RP1: variants seen among roughly 807,000 people sequenced by gnomAD.
The protein encoded by RP1 is RP1 axonemal microtubule associated, also known as oxygen-regulated protein 1.
Under a neutral mutation model 14.8 loss-of-function variants are expected in RP1, and 16 were observed. That is an observed-to-expected ratio of 1.08 (90% CI 0.73 to 1.65). RP1 has a LOEUF of 1.65. Ranked by LOEUF, RP1 falls within the 40% of genes most tolerant of loss-of-function variation. RP1 has a pLI of 0.00. For missense variants in RP1, 2,631 were observed against 2,535.0 expected (o/e 1.04, Z -0.81); for synonymous variants, 876 against 883.6 (o/e 0.99, Z 0.15).
chr8:54,696,138 A>C (rs1477012178), intron 12 of RP1, among the ~76,000 whole-genome samples: 2 of 152,180 alleles, frequency 1.3e-5, no homozygotes, highest in Non-Finnish European at 2.9e-5. Flanking sequence ...ATAGAATTAT[A>C]AAGGTAGAAT....
rs762412836 is a variant in RP1, at chr8:54,627,467, A to G, written c.3585A>G (p.Gly1195=). The change falls in exon 4 of 4, where the codon GGA becomes GGG. Residue 1195 remains glycine (G), a synonymous_variant. Transcript: ENST00000220676. ...NLVESTTSHF[G]LSEKEQDMVP... ...TGGAGTCAACTACAAGCCACTTTGGACTCAGTGAGAAAGAACAAGACATGG... is the reference window on the plus strand; with the variant it reads ...TGGAGTCAACTACAAGCCACTTTGGGCTCAGTGAGAAAGAACAAGACATGG... The G allele has an allele frequency of 6.2e-7, 1 of 1,614,120 alleles. No individual in the cohort carries two copies. Among genetic ancestry groups the G allele is most frequent in the South Asian group, 1.1e-5 (1 of 91,080 alleles).
downstream of RP1, among the ~76,000 whole-genome samples, chr8:54,773,571 A>G (rs1272253269): frequency 1.3e-5 from 2 of 152,164 alleles, no homozygotes; most frequent in Non-Finnish European, 2.9e-5. Flanking sequence ...CAGGTGGCGG[A>G]GGTTGCAGTG....
At chr8:54,785,609 C>A (rs1810298534) in intron 24 of RP1, among the ~76,000 whole-genome samples, 1 of 152,048 alleles carries the variant, frequency 6.6e-6, no homozygotes, top group South Asian at 2.1e-4. Context: ...AACTGCCAAA[C>A]TGTTTTCCAA....
At chr8:54,775,722 G>A (rs941294158) in intron 23 of RP1, among the ~76,000 whole-genome samples, 1 of 152,204 alleles carries the variant, frequency 6.6e-6, no homozygotes, top group Admixed American at 6.5e-5. Context: ...TCAAGTTTTA[G>A]GATAGTTCGT....
At chr8:54,709,643 C>T (rs1196518576) in intron 15 of RP1, among the ~76,000 whole-genome samples, 1 of 152,132 alleles carries the variant, frequency 6.6e-6, no homozygotes, top group African/African-American at 2.4e-5. Context: ...ATTTGATATA[C>T]AGAACATTAA....
At chr8:54,809,871 C>T (rs1563382936) in intron 24 of RP1, among the ~76,000 whole-genome samples, 1 of 152,124 alleles carries the variant, frequency 6.6e-6, no homozygotes, top group African/African-American at 2.4e-5. Context: ...GCAGTGTGAA[C>T]GAGAGTTGAA....
chr8:54,804,307 C>A (rs2129390320), intron 24 of RP1, among the ~76,000 whole-genome samples: 1 of 151,894 alleles, frequency 6.6e-6, no homozygotes, highest in Middle Eastern at 3.4e-3. Flanking sequence ...ACAAATGAAC[C>A]TGTATAGTCA....
chr8:54,841,525 T>C (rs1811789158), intron 25 of RP1, among the ~76,000 whole-genome samples: 1 of 152,156 alleles, frequency 6.6e-6, no homozygotes, highest in Non-Finnish European at 1.5e-5. Context: ...AAAAGAAAAG[T>C]GTTTTGAGAC....
chr8:54,783,700 A>G (rs749245699), exon 24 of RP1: 1 of 1,230,700 alleles, frequency 8.1e-7, no homozygotes, highest in Admixed American at 4.2e-5. Context: ...AACACTGCAG[A>G]TATATTCAAG....
chr8:54,864,872 T>A (rs1249302892), intron 27 of RP1, among the ~76,000 whole-genome samples: 1 of 152,154 alleles, frequency 6.6e-6, no homozygotes, highest in Admixed American at 6.6e-5. Flanking sequence ...ATTACCAGCT[T>A]CTGGATTTTC....
intron 25 of RP1, among the ~76,000 whole-genome samples, chr8:54,843,843 C>A (rs1432079145): frequency 6.6e-6 from 1 of 152,114 alleles, no homozygotes; most frequent in Non-Finnish European, 1.5e-5. Flanking sequence ...AAAGGGGGCA[C>A]CTGAGGAGTC....
At chr8:54,764,708 A>G (rs182841211) in intron 22 of RP1, among the ~76,000 whole-genome samples, 57 of 152,322 alleles carry the variant, frequency 3.7e-4, no homozygotes, top group African/African-American at 1.3e-3. Flanking sequence ...ACCAAAATGC[A>G]TGCATTAATC....
exon 12 of RP1, chr8:54,679,864 A>G (rs1366522177): frequency 2.9e-5 from 45 of 1,535,954 alleles, no homozygotes; most frequent in Admixed American, 2.0e-4. Context: ...TAACAAGCTG[A>G]CTGGAGGGTT....
chr8:54,627,627 G>T lies in RP1; in HGVS notation c.3745G>T (p.Val1249Phe). Reference protein sequence around the residue: ...CSASEACAPEVCVLEVTCSPC... With the variant: ...CSASEACAPEFCVLEVTCSPC... Reference sequence around the variant, plus strand: ...TGCCAGTGAGGCATGTGCCCCTGAAGTCTGTGTTTTGGAAGTGACTTGCTC... The same window carrying T: ...TGCCAGTGAGGCATGTGCCCCTGAATTCTGTGTTTTGGAAGTGACTTGCTC... The change falls in exon 4 of 4, where the codon GTC becomes TTC. Residue 1249 changes from valine (V) to phenylalanine (F), a missense_variant. By Grantham distance (50) the Val-to-Phe change is conservative. Coordinates refer to ENST00000220676, the MANE Select transcript of RP1 (RefSeq NM_006269.2). The T allele has an allele frequency of 6.2e-7, 1 of 1,614,196 alleles. No individual in the cohort carries two copies. The highest frequency in any genetic ancestry group is 8.5e-7 in the Non-Finnish European group (1 of 1,179,992).
At chr8:54,755,700 G>T (rs1349163494) in exon 21 of RP1, 1 of 1,535,694 alleles carries the variant, frequency 6.5e-7, no homozygotes, top group Non-Finnish European at 8.7e-7. Context: ...TGTCTCTTTG[G>T]GGAGAGGGGA....
chr8:54,594,307 G>A (rs553146457), intron 1 of RP1, among the ~76,000 whole-genome samples: 367 of 151,884 alleles, frequency 2.4e-3, no homozygotes, highest in Non-Finnish European at 4.1e-3. Context: ...TTGGGACCAG[G>A]AACTTGGTTC....
intron 1 of RP1, among the ~76,000 whole-genome samples, chr8:54,600,652 A>G (rs937512105): frequency 2.0e-5 from 3 of 152,058 alleles, no homozygotes; most frequent in Admixed American, 6.5e-5. Flanking sequence ...GGAGAAGGGC[A>G]CAGGTCGAGG....
chr8:54,680,164 G>A (rs1323950993), intron 12 of RP1, among the ~76,000 whole-genome samples: 1 of 151,928 alleles, frequency 6.6e-6, no homozygotes, highest in Non-Finnish European at 1.5e-5. Flanking sequence ...ATTAATTGAA[G>A]AATAAAATGT....
In RP1 at chr8:54,762,246, AGC is replaced by A. The variant is rs1370234992; in HGVS notation, c.3248+3171_3248+3172del. Among the ~76,000 whole-genome samples, 20 of 152,312 alleles carry A rather than the reference AGC, an allele frequency of 1.3e-4. No individual in the cohort carries two copies. The East Asian group carries it at 3.9e-3, about 29-fold the overall frequency. ...GTTTCCTCAGAGAACAAGAATTTACAGCACAGCTGAATTAGGGCAGAGAAAAA... is the reference window on the plus strand; with the variant it reads ...GTTTCCTCAGAGAACAAGAATTTACAACAGCTGAATTAGGGCAGAGAAAAA... On this transcript the variant is annotated intron_variant, in intron 22 of 22. Coordinates refer to the RP1 transcript ENST00000636932.
Sources: allele counts gnomAD v4.1 joint callset (sites outside exome capture counted in the v4.1 genomes callset), GRCh38; gene constraint gnomAD v4.1.1; transcripts MANE v1.5; gene names NCBI Gene and HGNC (gene_info 2026-07-23, HGNC 2026-07-21).